Variants in ST6GALNAC3 observed in about 807,000 individuals in gnomAD.
ST6GALNAC3 encodes the protein ST6 N-acetylgalactosaminide alpha-2,6-sialyltransferase 3, also known as alpha-N-acetylgalactosaminide alpha-2,6-sialyltransferase 3.
ST6GALNAC3 carries 25 observed loss-of-function variants against 32.7 expected under a neutral mutation model. The observed-to-expected ratio is 0.76, with a 90% CI of 0.56 to 1.07. ST6GALNAC3 has a LOEUF of 1.07. ST6GALNAC3 is among the 50% of genes least tolerant of loss of function. The pLI is 0.00. For synonymous variants in ST6GALNAC3, 129 were observed against 133.1 expected (o/e 0.97, Z 0.21); for missense variants, 355 against 382.4 (o/e 0.93, Z 0.60).
chr1:76,480,763 A>G (rs531057585), intron 3 of ST6GALNAC3, among the ~76,000 whole-genome samples: 1 of 152,278 alleles, frequency 6.6e-6, no homozygotes, highest in African/African-American at 2.4e-5. Flanking sequence ...AATAATAATA[A>G]GTAATCACTC....
At position 76,514,762 on chromosome 1, in the gene ST6GALNAC3, C is replaced by A. The variant is rs76839648; in HGVS notation, c.623+102345C>A. On this transcript the variant is annotated intron_variant, in intron 3 of 4. Coordinates refer to ENST00000328299, the MANE Select transcript of ST6GALNAC3 (RefSeq NM_152996.4). ...CTTTTTTCTTTATAAATTACCCAGT[C>A]TCTGGTATTCTCTTATTACAACACC... Among the ~76,000 whole-genome samples the A allele has an allele frequency of 5.4e-3, 817 of 152,258 alleles. 10 individuals carry two copies. Among genetic ancestry groups the A allele is most frequent in the Admixed American group, 0.035 (531 of 15,272 alleles).
chr1:76,106,767 G>T (rs56282343), intron 1 of ST6GALNAC3, among the ~76,000 whole-genome samples: 9,604 of 152,188 alleles, frequency 0.063, 1,027 homozygotes, highest in African/African-American at 0.22. Context: ...CCAGGACACA[G>T]AACAATTATT....
At chr1:76,425,144 G>T (rs1471742488) in intron 3 of ST6GALNAC3, among the ~76,000 whole-genome samples, 2 of 151,982 alleles carry the variant, frequency 1.3e-5, no homozygotes, top group East Asian at 3.9e-4. Flanking sequence ...TAATTTTGTT[G>T]TCAGCACATC....
At chr1:76,568,244 A>G (rs1162631132) in intron 3 of ST6GALNAC3, among the ~76,000 whole-genome samples, 4 of 152,152 alleles carry the variant, frequency 2.6e-5, no homozygotes, top group Admixed American at 1.3e-4. Context: ...AGAACAGACC[A>G]CAAGTACACA....
At chr1:76,123,704 A>T (rs1649043817) in intron 1 of ST6GALNAC3, among the ~76,000 whole-genome samples, 1 of 151,776 alleles carries the variant, frequency 6.6e-6, no homozygotes, top group African/African-American at 2.4e-5. Context: ...AATAGTAAAC[A>T]CAAGTAGTTC....
At chr1:76,124,757 G>A (rs1649132722) in intron 1 of ST6GALNAC3, among the ~76,000 whole-genome samples, 1 of 152,076 alleles carries the variant, frequency 6.6e-6, no homozygotes, top group Admixed American at 6.5e-5. Flanking sequence ...TTCTTCAGGG[G>A]TTTTTATTGT....
chr1:76,117,656 C>G (rs1648571162), intron 1 of ST6GALNAC3, among the ~76,000 whole-genome samples: 1 of 152,180 alleles, frequency 6.6e-6, no homozygotes. Flanking sequence ...CCAACCACTG[C>G]TGAGCTTTGA....
At chr1:76,540,080 A>T (rs142181691) in intron 3 of ST6GALNAC3, among the ~76,000 whole-genome samples, 7 of 152,200 alleles carry the variant, frequency 4.6e-5, no homozygotes, top group Admixed American at 4.6e-4. Context: ...AGCACTATTT[A>T]TAATAGCAAA....
At chr1:76,378,746 T>A (rs938914794) in intron 2 of ST6GALNAC3, among the ~76,000 whole-genome samples, 3 of 152,134 alleles carry the variant, frequency 2.0e-5, no homozygotes, top group Non-Finnish European at 4.4e-5. Flanking sequence ...GCTTCACACA[T>A]GCAGAATGGT....
intron 1 of ST6GALNAC3, among the ~76,000 whole-genome samples, chr1:76,102,956 A>G (rs536265785): frequency 3.3e-5 from 5 of 152,004 alleles, no homozygotes; most frequent in Non-Finnish European, 7.4e-5. Context: ...TCTTAGGGAT[A>G]TTTCCTCTGG....
intron 1 of ST6GALNAC3, among the ~76,000 whole-genome samples, chr1:76,222,594 T>C (rs574047324): frequency 2.0e-5 from 3 of 152,272 alleles, no homozygotes; most frequent in Non-Finnish European, 4.4e-5. Flanking sequence ...CACACCAGCA[T>C]GGCACATGTA....
intron 3 of ST6GALNAC3, among the ~76,000 whole-genome samples, chr1:76,491,736 C>G (rs1403395904): frequency 6.6e-6 from 1 of 152,174 alleles, no homozygotes; most frequent in Non-Finnish European, 1.5e-5. Flanking sequence ...GTCAGAATCT[C>G]TTTCACTAGT....
intron 2 of ST6GALNAC3, among the ~76,000 whole-genome samples, chr1:76,321,404 C>T (rs1395827560): frequency 6.6e-6 from 1 of 152,166 alleles, no homozygotes; most frequent in African/African-American, 2.4e-5. Context: ...GCAGCCTCCC[C>T]TCCCATCCCC....
At chr1:76,506,399 GTC>G (rs1661480635) in intron 3 of ST6GALNAC3, among the ~76,000 whole-genome samples, 1 of 152,156 alleles carries the variant, frequency 6.6e-6, no homozygotes, top group Admixed American at 6.5e-5. Flanking sequence ...TCTTTCAGTG[GTC>G]TGCTTAAGCA....
intron 3 of ST6GALNAC3, among the ~76,000 whole-genome samples, chr1:76,614,718 C>CAAAAA (rs55744575): frequency 4.6e-4 from 31 of 67,522 alleles, no homozygotes; most frequent in African/African-American, 1.9e-3. Context: ...GACTCCATCT[C>CAAAAA]AAAAAAAAAA....
At chr1:76,414,843 C>G (rs1272719767) in intron 3 of ST6GALNAC3, among the ~76,000 whole-genome samples, 1 of 152,078 alleles carries the variant, frequency 6.6e-6, no homozygotes, top group East Asian at 1.9e-4. Flanking sequence ...TAAAAATCAA[C>G]AATTCTGCCT....
chr1:76,563,711 A>T (rs1409210663), intron 3 of ST6GALNAC3, among the ~76,000 whole-genome samples: 1 of 152,216 alleles, frequency 6.6e-6, no homozygotes, highest in Non-Finnish European at 1.5e-5. Flanking sequence ...TAGCTATTCA[A>T]TATATGTTTT....
intron 3 of ST6GALNAC3, among the ~76,000 whole-genome samples, chr1:76,492,048 C>T (rs770708650): frequency 3.3e-5 from 5 of 152,206 alleles, no homozygotes; most frequent in African/African-American, 4.8e-5. Context: ...GCATCAGCAG[C>T]ATATATTGTT....
chr1:76,593,289 G>A (rs1207503859), intron 3 of ST6GALNAC3, among the ~76,000 whole-genome samples: 2 of 152,178 alleles, frequency 1.3e-5, no homozygotes, highest in African/African-American at 4.8e-5. Flanking sequence ...GTAAAGAACT[G>A]TGTTGTTTTG....
Sources: gnomAD v4.1 joint callset for allele counts (sites outside exome capture counted in the v4.1 genomes callset) on GRCh38, gnomAD v4.1.1 for gene constraint, MANE v1.5 for transcripts, NCBI Gene and HGNC (gene_info 2026-07-23, HGNC 2026-07-21) for gene names.